The following NRG1 variants were observed in gnomAD, a reference collection of about 807,000 sequenced individuals.
NRG1 encodes the protein neuregulin 1, also known as pro-neuregulin-1, membrane-bound isoform.
Under a neutral mutation model 63.8 loss-of-function variants are expected in NRG1, and 18 were observed. The ratio of observed to expected loss-of-function variants is 0.28; its 90% CI spans 0.19 to 0.42. The LOEUF is 0.42. Ranked by LOEUF, NRG1 falls within the 10% of genes least tolerant of loss-of-function variation. NRG1 has a pLI of 1.00. For missense variants in NRG1, 762 were observed against 814.7 expected, an observed-to-expected ratio of 0.94 and a Z score of 0.79; for synonymous variants, 302 against 301.3, an observed-to-expected ratio of 1.00 and a Z score of -0.02.
chr8:32,319,868 A>G (rs1386441), intron 1 of NRG1, among the ~76,000 whole-genome samples: 98,436 of 151,850 alleles, frequency 0.65, 32,200 homozygotes, highest in Middle Eastern at 0.83. Flanking sequence ...TATAATATGC[A>G]CACTAATATA....
chr8:32,445,889 G>A (rs1820177112), intron 1 of NRG1, among the ~76,000 whole-genome samples: 1 of 152,068 alleles, frequency 6.6e-6, no homozygotes, highest in Non-Finnish European at 1.5e-5. Context: ...TTGTACATGA[G>A]AAGAGGCTGT....
intron 1 of NRG1, among the ~76,000 whole-genome samples, chr8:32,415,377 A>AAAAAG (rs1815734296): frequency 6.6e-6 from 1 of 151,280 alleles, no homozygotes; most frequent in Non-Finnish European, 1.5e-5. Flanking sequence ...AAAAAAAAAA[A>AAAAAG]AAAGAAAGAA....
intron 5 of NRG1, among the ~76,000 whole-genome samples, chr8:32,641,421 T>G (rs941084812): frequency 2.0e-5 from 3 of 152,268 alleles, no homozygotes; most frequent in African/African-American, 7.2e-5. Context: ...CAGTGGAATT[T>G]TAAAAGAAGG....
chr8:31,676,000 T>C (rs1385740155), intron 1 of NRG1, among the ~76,000 whole-genome samples: 2 of 152,194 alleles, frequency 1.3e-5, no homozygotes, highest in Non-Finnish European at 2.9e-5. Flanking sequence ...CCGTGGCTAA[T>C]CTATAAGCAG....
intron 1 of NRG1, among the ~76,000 whole-genome samples, chr8:32,344,382 C>CTTTCTTTTTCTT (rs59156035): frequency 1.4e-4 from 9 of 65,900 alleles, no homozygotes; most frequent in Non-Finnish European, 1.9e-4. Flanking sequence ...TTCTTTCTTT[C>CTTTCTTTTTCTT]TCTTTCTTTC....
At chr8:32,313,739 T>G (rs940835893) in intron 1 of NRG1, among the ~76,000 whole-genome samples, 1 of 152,206 alleles carries the variant, frequency 6.6e-6, no homozygotes. Context: ...GGTAAATTAT[T>G]TTTAAAACAT....
intron 1 of NRG1, among the ~76,000 whole-genome samples, chr8:32,347,553 A>G (rs7460032): frequency 0.52 from 78,692 of 152,090 alleles, 21,278 homozygotes; most frequent in Non-Finnish European, 0.61. Flanking sequence ...ATGAAAGTAT[A>G]ATCAGTTCAC....
At chr8:32,728,224 ATTC>A in intron 6 of NRG1, 146 bp downstream of exon 6, 1 of 1,450,264 alleles carries the variant, frequency 6.9e-7, no homozygotes. Context: ...GTTTTAAAAC[ATTC>A]ACACCATTCG....
chr8:32,298,999 C>T (rs1855258569), intron 1 of NRG1, among the ~76,000 whole-genome samples: 1 of 137,978 alleles, frequency 7.2e-6, no homozygotes, highest in Non-Finnish European at 1.5e-5. Context: ...TGCACTCCAG[C>T]CTGGGGACAA....
chr8:31,809,416 AC>A (rs1822632982), intron 1 of NRG1, among the ~76,000 whole-genome samples: 1 of 145,114 alleles, frequency 6.9e-6, no homozygotes, highest in Non-Finnish European at 1.5e-5. Flanking sequence ...ATATATATAT[AC>A]TTTTTATGTC....
At chr8:32,388,887 G>T (rs1811362898) in intron 1 of NRG1, among the ~76,000 whole-genome samples, 1 of 152,158 alleles carries the variant, frequency 6.6e-6, no homozygotes, top group South Asian at 2.1e-4. Flanking sequence ...GGAATTTTCT[G>T]TAATGTTAAA....
chr8:32,389,326 A>G (rs989594075), intron 1 of NRG1, among the ~76,000 whole-genome samples: 2 of 152,218 alleles, frequency 1.3e-5, no homozygotes, highest in African/African-American at 2.4e-5. Context: ...TTGCTATGCA[A>G]AGATTAGATT....
intron 1 of NRG1, among the ~76,000 whole-genome samples, chr8:31,920,169 A>C (rs542126308): frequency 6.6e-6 from 1 of 152,276 alleles, no homozygotes; most frequent in African/African-American, 2.4e-5. Flanking sequence ...ACAAAAAAGG[A>C]ATTCCACTTG....
intron 1 of NRG1, among the ~76,000 whole-genome samples, chr8:32,193,092 G>T (rs1055982804): frequency 6.6e-6 from 1 of 152,178 alleles, no homozygotes; most frequent in African/African-American, 2.4e-5. Flanking sequence ...ATGAACTGAT[G>T]AATGTTAATA....
intron 1 of NRG1, among the ~76,000 whole-genome samples, chr8:32,072,690 G>T (rs921423394): frequency 6.6e-5 from 10 of 152,096 alleles, no homozygotes; most frequent in African/African-American, 2.4e-4. Flanking sequence ...CTTATATGGT[G>T]ATTTATTTTA....
At chr8:32,292,833 C>A (rs1176146503) in intron 1 of NRG1, among the ~76,000 whole-genome samples, 1 of 152,016 alleles carries the variant, frequency 6.6e-6, no homozygotes, top group Non-Finnish European at 1.5e-5. Flanking sequence ...GGGCTGGGCT[C>A]GGTGGCTCAC....
At chr8:31,999,449 G>T (rs1321383543) in intron 1 of NRG1, among the ~76,000 whole-genome samples, 1 of 151,946 alleles carries the variant, frequency 6.6e-6, no homozygotes, top group East Asian at 1.9e-4. Context: ...ACATACCAAA[G>T]AAGTGCAGCT....
intron 1 of NRG1, among the ~76,000 whole-genome samples, chr8:32,529,640 A>G (rs1181968915): frequency 1.3e-5 from 2 of 152,080 alleles, no homozygotes; most frequent in Non-Finnish European, 2.9e-5. Context: ...TACTTTTTAA[A>G]CATTTTTGTT....
At chr8:32,266,233 C>CCATGAAACTAATG (rs1281572105) in intron 1 of NRG1, among the ~76,000 whole-genome samples, 5 of 152,244 alleles carry the variant, frequency 3.3e-5, no homozygotes, top group Non-Finnish European at 5.9e-5. Context: ...CATATAAAAA[C>CCATGAAACTAATG]TTTCTTATGA....
Sources: allele counts gnomAD v4.1 joint callset (sites outside exome capture counted in the v4.1 genomes callset), GRCh38; gene constraint gnomAD v4.1.1; transcripts MANE v1.5; gene names NCBI Gene and HGNC (gene_info 2026-07-23, HGNC 2026-07-21).